Variants in GGA2 observed in about 807,000 individuals in gnomAD.
GGA2 encodes the protein golgi associated, gamma adaptin ear containing, ARF binding protein 2, also known as ADP-ribosylation factor-binding protein GGA2.
In GGA2, 48 loss-of-function variants were observed where a neutral mutation model predicts 79.5. The observed-to-expected ratio is 0.60, with a 90% CI of 0.48 to 0.77. The LOEUF (loss-of-function observed/expected upper bound fraction) is 0.77. Among genes scored for constraint, GGA2 ranks in the 30% least tolerant of loss-of-function variants. The pLI, the probability that GGA2 is intolerant of heterozygous loss-of-function variation, is 0.00. For missense variants in GGA2, 770 were observed against 774.0 expected (o/e 0.99, Z 0.06); for synonymous variants, 317 against 302.0 (o/e 1.05, Z -0.51).
chr16:23,510,706 T>C (rs999661481), upstream of GGA2, among the ~76,000 whole-genome samples: 1 of 152,262 alleles, frequency 6.6e-6, no homozygotes, highest in African/African-American at 2.4e-5. Context: ...ATAATTCTTT[T>C]AGCATTTTTA....
In GGA2 at chr16:23,509,775, C is replaced by CGT. The variant is rs201625518; in HGVS notation, c.91+544_91+545dup. Among the ~76,000 whole-genome samples the CGT allele has an allele frequency of 9.6e-3, 1,429 of 148,862 alleles. 12 individuals carry two copies. Among genetic ancestry groups the CGT allele is most frequent in the Non-Finnish European group, 0.016 (1,076 of 67,262 alleles). ...ATATATATACGCACACACACACACA[C>CGT]GTGTGTGTGTGTTTAAAAAAAAAAG... is the stretch of plus-strand genomic sequence containing the variant. On this transcript the variant is annotated intron_variant, in intron 1 of 16. Coordinates refer to ENST00000309859, the MANE Select transcript of GGA2 (RefSeq NM_015044.4).
At chr16:23,471,375 G>A (rs530028409) in intron 14 of GGA2, among the ~76,000 whole-genome samples, 23 of 151,964 alleles carry the variant, frequency 1.5e-4, no homozygotes, top group Admixed American at 1.0e-3. Context: ...TTTGAGGGGG[G>A]AAAACTATGT....
intron 11 of GGA2, 133 bp downstream of exon 11, chr16:23,479,632 G>T: frequency 9.5e-7 from 1 of 1,056,448 alleles, no homozygotes; most frequent in Non-Finnish European, 1.4e-6. Flanking sequence ...CTCCCAGAGG[G>T]AACCAGCTCA....
chr16:23,477,337 G>C (rs1481708264), intron 13 of GGA2, among the ~76,000 whole-genome samples: 1 of 152,138 alleles, frequency 6.6e-6, no homozygotes, highest in Non-Finnish European at 1.5e-5. Flanking sequence ...CTGAATCATG[G>C]GTGCAGTTTC....
At chr16:23,469,367 A>G (rs1158257245) in intron 15 of GGA2, 10 of 214,068 alleles carry the variant, frequency 4.7e-5, no homozygotes, top group Non-Finnish European at 9.9e-5. Flanking sequence ...AAACAGAGGT[A>G]GTAGCAGAAC....
intron 14 of GGA2, among the ~76,000 whole-genome samples, chr16:23,470,488 C>T (rs1964496261): frequency 6.6e-6 from 1 of 152,062 alleles, no homozygotes; most frequent in African/African-American, 2.4e-5. Context: ...ATCAGCCAGG[C>T]GTGGGGGCTC....
At chr16:23,483,077 C>T (rs1455288342) in intron 8 of GGA2, 73 bp from the exon 9 acceptor site, 2 of 930,520 alleles carry the variant, frequency 2.1e-6, no homozygotes, top group Non-Finnish European at 3.5e-6. Flanking sequence ...GCCCCAGGAG[C>T]CTTCGATCAG....
At chr16:23,481,072 C>T (rs1274735443) in intron 9 of GGA2, among the ~76,000 whole-genome samples, 4 of 152,210 alleles carry the variant, frequency 2.6e-5, no homozygotes, top group Non-Finnish European at 5.9e-5. Flanking sequence ...AAACTTTTAA[C>T]TTTAACTCAG....
chr16:23,494,366 C>A lies in GGA2; in HGVS notation c.189G>T (p.Ala63=), dbSNP rs150275766. ...VNTDPNGPTH[A]PWLLAHKIQS... is the part of the protein sequence containing the mutation. ...GGATCTTGTGGGCCAGTAGCCAGGG[C>A]GCATGTGTGGGGCTACAGGGAAACA... Residue 63 remains alanine (A), a synonymous_variant, in exon 3 of 17, where the codon GCG becomes GCT. Coordinates refer to ENST00000309859, the MANE Select transcript of GGA2 (RefSeq NM_015044.4). The A allele has an allele frequency of 1.1e-4, 180 of 1,610,886 alleles. 1 individual carries two copies. The South Asian group carries it at 1.9e-3, about 17-fold the overall frequency.
At chr16:23,474,361 CT>C (rs758060139) in intron 14 of GGA2, among the ~76,000 whole-genome samples, 213 of 145,558 alleles carry the variant, frequency 1.5e-3, no homozygotes, top group Admixed American at 1.3e-3. Flanking sequence ...AAGAAGCAAA[CT>C]TTTTTTTTTT....
rs1964439379 is a variant in GGA2 at position 23,466,514 on chromosome 16, A to AGAC, written c.*1073_*1075dup. The AGAC allele has an allele frequency of 6.6e-6, 1 of 152,210 alleles. No individual in the cohort carries two copies. The highest frequency in any genetic ancestry group is 1.5e-5 in the Non-Finnish European group (1 of 68,038). The allele number at this position is 152,210 out of a possible 1,614,324, so 9.4% of individuals were successfully genotyped here. ...GAAGTTTCCTTTACTTCTCGACAGA[A>AGAC]GACAGTTCCCTTTAGGCCTATCATC... On this transcript the variant is annotated 3_prime_UTR_variant, in exon 17 of 17. Transcript: ENST00000309859.
intron 2 of GGA2, among the ~76,000 whole-genome samples, chr16:23,518,658 G>A (rs1249786522): frequency 6.6e-6 from 1 of 152,140 alleles, no homozygotes; most frequent in East Asian, 1.9e-4. Context: ...TAATTATACT[G>A]GCAAATCTTG....
At chr16:23,507,676 C>T (rs1035897200) in intron 1 of GGA2, among the ~76,000 whole-genome samples, 10 of 136,442 alleles carry the variant, frequency 7.3e-5, no homozygotes, top group African/African-American at 2.2e-4. Context: ...GGCGTGTGCC[C>T]GTAATCCCAG....
upstream of GGA2, chr16:23,524,209 T>C (rs1374145084): frequency 1.5e-6 from 1 of 689,632 alleles, no homozygotes; most frequent in African/African-American, 1.8e-5. Context: ...AACGTGCCTG[T>C]GGTGGATCAC....
chr16:23,489,243 T>G (rs142803077), intron 5 of GGA2, among the ~76,000 whole-genome samples: 10 of 152,302 alleles, frequency 6.6e-5, no homozygotes, highest in Non-Finnish European at 1.3e-4. Context: ...ACAATATTTT[T>G]GTTGTTTTTG....
chr16:23,475,746 A>G (rs1409790520), intron 13 of GGA2, among the ~76,000 whole-genome samples: 1 of 151,360 alleles, frequency 6.6e-6, no homozygotes, highest in Non-Finnish European at 1.5e-5. Context: ...TCTACTAAAA[A>G]TACAAAAATT....
chr16:23,473,421 C>T (rs118057012), intron 14 of GGA2, among the ~76,000 whole-genome samples: 6,116 of 133,754 alleles, frequency 0.046, 189 homozygotes, highest in Middle Eastern at 0.12. Context: ...ACTGCAACTT[C>T]TGCCATCTGG....
At position 23,506,223 on chromosome 16, in the gene GGA2, T is replaced by C. The variant is rs1964972449; in HGVS notation, c.91+4098A>G. Among the ~76,000 whole-genome samples, 3 of 152,138 alleles carry C rather than the reference T, an allele frequency of 2.0e-5. 1 individual carries two copies. The South Asian group carries it at 6.2e-4, about 31-fold the overall frequency. ...TCATGTAGCTCAGACCCATGAGCTT[T>C]TGCCTTCAACTACACCCATGTCTTG... On this transcript the variant is annotated intron_variant, in intron 1 of 16. Coordinates refer to ENST00000309859, the MANE Select transcript of GGA2 (RefSeq NM_015044.4).
rs1596977613 is a variant in GGA2, at chr16:23,475,176, A to T, written c.1293-115T>A. ...ATAACACACACACACACACAGAGTT[A>T]GATGTTATATGCCTTTTTTTTTTTT... On this transcript the variant is annotated intron_variant, in intron 13 of 16. Transcript: ENST00000309859. The T allele has an allele frequency of 1.3e-4, 70 of 547,640 alleles. No individual in the cohort carries two copies. In the East Asian group the frequency reaches 2.2e-3, roughly 17 times the overall value. 33.9% of individuals were successfully genotyped at this position (547,640 alleles called of 1,614,324 possible). A position where few individuals can be genotyped will look rare whatever the true frequency, so the allele number is the denominator to read the frequency against.
Sources: gnomAD v4.1 joint callset for allele counts (sites outside exome capture counted in the v4.1 genomes callset) on GRCh38, gnomAD v4.1.1 for gene constraint, MANE v1.5 for transcripts, NCBI Gene and HGNC (gene_info 2026-07-23, HGNC 2026-07-21) for gene names.